The following HPSE2 variants were observed in gnomAD, a reference collection of about 807,000 sequenced individuals.
The protein encoded by HPSE2 is heparanase 2 (inactive), also known as inactive heparanase-2.
Under a neutral mutation model 60.5 loss-of-function variants are expected in HPSE2, and 38 were observed. The ratio of observed to expected loss-of-function variants is 0.63; its 90% CI spans 0.48 to 0.82. The LOEUF is 0.82. Among genes scored for constraint, HPSE2 ranks in the 40% least tolerant of loss-of-function variants. The pLI is 0.00. For missense variants in HPSE2, 713 were observed against 740.4 expected, an observed-to-expected ratio of 0.96 and a Z score of 0.43; for synonymous variants, 295 against 293.2, an observed-to-expected ratio of 1.01 and a Z score of -0.06.
intron 3 of HPSE2, among the ~76,000 whole-genome samples, chr10:99,105,740 A>T (rs1230561285): frequency 6.6e-6 from 1 of 152,022 alleles, no homozygotes; most frequent in Non-Finnish European, 1.5e-5. Context: ...TTATTGTAGA[A>T]GATTTATAGT....
intron 5 of HPSE2, among the ~76,000 whole-genome samples, chr10:98,717,216 G>A (rs1948812811): frequency 6.6e-6 from 1 of 152,016 alleles, no homozygotes; most frequent in Admixed American, 6.6e-5. Flanking sequence ...TCTTGTCCTG[G>A]ATTAGGATTT....
Position 98,818,299 on chromosome 10 carries a change from C to T in HPSE2, c.611-74243G>A, listed in dbSNP as rs1424308105. On this transcript the variant is annotated intron_variant, in intron 3 of 11. Coordinates refer to ENST00000370552, the MANE Select transcript of HPSE2 (RefSeq NM_021828.5). Reference sequence around the variant, plus strand: ...CTTGGAAGACAATTTTTTCCACAGGCTGGGGGTGGGGGATGATGAAATTGT... The same window carrying T: ...CTTGGAAGACAATTTTTTCCACAGGTTGGGGGTGGGGGATGATGAAATTGT... Among the ~76,000 whole-genome samples, 7 of 152,192 alleles carry T rather than the reference C, an allele frequency of 4.6e-5. No individual in the cohort carries two copies. The East Asian group carries it at 1.3e-3, about 29-fold the overall frequency.
At chr10:98,683,332 A>C (rs1336529470) in intron 6 of HPSE2, among the ~76,000 whole-genome samples, 1 of 151,980 alleles carries the variant, frequency 6.6e-6, no homozygotes, top group Non-Finnish European at 1.5e-5. Flanking sequence ...GACATAGAGG[A>C]AATAACAGTA....
chr10:99,178,914 A>C (rs533018653), intron 2 of HPSE2, among the ~76,000 whole-genome samples: 15 of 152,348 alleles, frequency 9.8e-5, no homozygotes, highest in African/African-American at 3.6e-4. Context: ...CCAAAAACTT[A>C]TCCACCACGA....
chr10:98,900,545 G>A lies in HPSE2; in HGVS notation c.611-156489C>T, dbSNP rs547627418. 6.9e-4 allele frequency among the ~76,000 whole-genome samples: 105 copies of A among 152,146 alleles called. No homozygotes were observed. The Middle Eastern group carries it at 0.01, about 15-fold the overall frequency. ...TATACAGTACATGTTAGTTATGCAC[G>A]AACATTATATATGATATGCCAAAAC... On this transcript the variant is annotated intron_variant, in intron 3 of 11. Coordinates refer to ENST00000370552, the MANE Select transcript of HPSE2 (RefSeq NM_021828.5).
rs149404609 is a variant in HPSE2, at chr10:98,599,972, G to A, written c.1320+14932C>T. On this transcript the variant is annotated intron_variant, in intron 9 of 11. Coordinates refer to ENST00000370552, the MANE Select transcript of HPSE2 (RefSeq NM_021828.5). ...GGTTAAAGTGATCATTAGCAAAAAAGTCATGTTTCCTAAAGGGAATCTGAG... is the reference window on the plus strand; with the variant it reads ...GGTTAAAGTGATCATTAGCAAAAAAATCATGTTTCCTAAAGGGAATCTGAG... Among the ~76,000 whole-genome samples the A allele has an allele frequency of 1.2e-3, 176 of 152,254 alleles. No individual in the cohort carries two copies. The Middle Eastern group carries it at 0.014, about 12-fold the overall frequency.
the HPSE2 span, among the ~76,000 whole-genome samples, chr10:99,267,517 C>T: frequency 1.3e-5 from 2 of 152,084 alleles, no homozygotes; most frequent in South Asian, 4.1e-4. Context: ...GGCATGGTGG[C>T]TCACGCCTGT....
chr10:99,165,453 A>G (rs1246558751), intron 2 of HPSE2, among the ~76,000 whole-genome samples: 1 of 152,142 alleles, frequency 6.6e-6, no homozygotes, highest in Non-Finnish European at 1.5e-5. Context: ...TGTTTCTTAA[A>G]ATGTGAAGAC....
At chr10:98,830,937 C>T (rs1951669431) in intron 3 of HPSE2, among the ~76,000 whole-genome samples, 1 of 152,120 alleles carries the variant, frequency 6.6e-6, no homozygotes, top group East Asian at 1.9e-4. Context: ...AAAATTTCAG[C>T]CCAGATTTAG....
chr10:98,907,930 T>G (rs574696719), intron 3 of HPSE2, among the ~76,000 whole-genome samples: 2 of 152,322 alleles, frequency 1.3e-5, no homozygotes, highest in African/African-American at 2.4e-5. Flanking sequence ...ACCATTGTAG[T>G]TAAGCTTATT....
intron 9 of HPSE2, among the ~76,000 whole-genome samples, chr10:98,592,017 A>T (rs1564994700): frequency 6.6e-6 from 1 of 152,232 alleles, no homozygotes; most frequent in African/African-American, 2.4e-5. Flanking sequence ...AGCTTCAAAC[A>T]GATTGTGTCC....
At chr10:98,694,461 T>C (rs934993874) in intron 5 of HPSE2, among the ~76,000 whole-genome samples, 1 of 152,204 alleles carries the variant, frequency 6.6e-6, no homozygotes, top group Non-Finnish European at 1.5e-5. Flanking sequence ...GGCTGCCACA[T>C]CTGTCTCAGT....
intron 3 of HPSE2, among the ~76,000 whole-genome samples, chr10:98,946,587 C>G (rs540711814): frequency 6.6e-6 from 1 of 151,998 alleles, no homozygotes; most frequent in African/African-American, 2.4e-5. Context: ...AACTTACTAT[C>G]TTCACAGCAG....
chr10:98,514,586 G>T, intron 9 of HPSE2, among the ~76,000 whole-genome samples: 1 of 151,580 alleles, frequency 6.6e-6, no homozygotes, highest in East Asian at 1.9e-4. Context: ...TCACAGATTT[G>T]TTCAAAGATT....
intron 3 of HPSE2, among the ~76,000 whole-genome samples, chr10:99,113,025 T>C (rs1844534075): frequency 6.6e-6 from 1 of 152,224 alleles, no homozygotes. Context: ...TTACTTCTTT[T>C]GGACTCCATT....
intron 3 of HPSE2, among the ~76,000 whole-genome samples, chr10:99,071,611 T>A (rs1023554862): frequency 2.0e-5 from 3 of 152,252 alleles, no homozygotes; most frequent in Non-Finnish European, 4.4e-5. Context: ...TTGTCTGTGC[T>A]TTTGGTGTCA....
chr10:98,824,739 C>T (rs1309965133), intron 3 of HPSE2, among the ~76,000 whole-genome samples: 1 of 152,170 alleles, frequency 6.6e-6, no homozygotes, highest in Admixed American at 6.5e-5. Flanking sequence ...TCTAGAATAT[C>T]AAAACCATTT....
At chr10:98,473,612 G>A (rs1940878786) in intron 11 of HPSE2, among the ~76,000 whole-genome samples, 1 of 152,000 alleles carries the variant, frequency 6.6e-6, no homozygotes, top group African/African-American at 2.4e-5. Flanking sequence ...GGATTCTAAG[G>A]TGAGCAATCT....
At chr10:99,112,407 T>G (rs1030392791) in intron 3 of HPSE2, among the ~76,000 whole-genome samples, 1 of 130,746 alleles carries the variant, frequency 7.6e-6, no homozygotes, top group African/African-American at 2.9e-5. Flanking sequence ...GCCCGGCTTT[T>G]TTTTGTTGTG....
Sources: allele counts gnomAD v4.1 joint callset (sites outside exome capture counted in the v4.1 genomes callset), GRCh38; gene constraint gnomAD v4.1.1; transcripts MANE v1.5; gene names NCBI Gene and HGNC (gene_info 2026-07-23, HGNC 2026-07-21).